NRG1: variants seen among roughly 807,000 people sequenced by gnomAD.
NRG1 encodes pro-neuregulin-1, membrane-bound isoform.
NRG1 carries 18 observed loss-of-function variants against 63.8 expected under a neutral mutation model. The observed-to-expected ratio is 0.28, with a 90% CI of 0.19 to 0.42. The LOEUF (loss-of-function observed/expected upper bound fraction) is 0.42. Among genes scored for constraint, NRG1 ranks in the 10% least tolerant of loss-of-function variants. NRG1 has a pLI of 1.00. For missense variants in NRG1, 762 were observed against 814.7 expected (o/e 0.94, Z 0.79); for synonymous variants, 302 against 301.3 (o/e 1.00, Z -0.02).
At chr8:32,210,018 T>C (rs1844529116) in intron 1 of NRG1, among the ~76,000 whole-genome samples, 1 of 152,166 alleles carries the variant, frequency 6.6e-6, no homozygotes, top group African/African-American at 2.4e-5. Flanking sequence ...CTTCTGTAAA[T>C]AAATTTCTTC....
chr8:31,754,592 G>A (rs939768833), intron 1 of NRG1, among the ~76,000 whole-genome samples: 2 of 151,908 alleles, frequency 1.3e-5, no homozygotes, highest in East Asian at 1.9e-4. Flanking sequence ...TTATAGCAAC[G>A]CAACAATGAA....
chr8:32,417,775 C>T (rs1816132777), intron 1 of NRG1, among the ~76,000 whole-genome samples: 1 of 152,048 alleles, frequency 6.6e-6, no homozygotes, highest in South Asian at 2.1e-4. Flanking sequence ...GATCATTTAG[C>T]TTAAGAGTTA....
chr8:32,118,942 AAG>A (rs1196595102), intron 1 of NRG1, among the ~76,000 whole-genome samples: 1 of 152,260 alleles, frequency 6.6e-6, no homozygotes, highest in African/African-American at 2.4e-5. Flanking sequence ...TCCCTGAGAA[AAG>A]AGAAAATAAA....
intron 1 of NRG1, among the ~76,000 whole-genome samples, chr8:31,898,889 A>G (rs1831829350): frequency 6.6e-6 from 1 of 151,902 alleles, no homozygotes; most frequent in Non-Finnish European, 1.5e-5. Context: ...TCAATTCCTA[A>G]ATTACTCCCA....
chr8:31,854,591 T>C (rs886443298), intron 1 of NRG1, among the ~76,000 whole-genome samples: 6 of 152,074 alleles, frequency 3.9e-5, no homozygotes, highest in Non-Finnish European at 5.9e-5. Context: ...TTTTGAAGGG[T>C]TTTTTGTGTC....
intron 1 of NRG1, among the ~76,000 whole-genome samples, chr8:32,372,194 G>T (rs1808978723): frequency 2.0e-5 from 3 of 151,846 alleles, no homozygotes; most frequent in South Asian, 4.2e-4. Context: ...TTGCTGTGTT[G>T]CACAGGCTGG....
chr8:32,684,251 T>G (rs1031095862), intron 5 of NRG1, among the ~76,000 whole-genome samples: 1 of 152,174 alleles, frequency 6.6e-6, no homozygotes, highest in Non-Finnish European at 1.5e-5. Flanking sequence ...TTTAAAAAAT[T>G]TTGTCAGGCT....
intron 1 of NRG1, among the ~76,000 whole-genome samples, chr8:32,291,768 C>T (rs554897343): frequency 3.9e-5 from 6 of 152,184 alleles, no homozygotes; most frequent in African/African-American, 1.4e-4. Flanking sequence ...TGGTCTTGAG[C>T]TCCTGACCTC....
chr8:31,798,942 G>T (rs1004628002), intron 1 of NRG1, among the ~76,000 whole-genome samples: 8 of 152,118 alleles, frequency 5.3e-5, no homozygotes, highest in Non-Finnish European at 7.4e-5. Context: ...AGTTTTTTGG[G>T]TGAATGAAAA....
chr8:31,983,973 C>T lies in NRG1; in HGVS notation c.37+344542C>T, dbSNP rs1167292979. ...GACAAGGTAAATCACCTTTTGATAT[C>T]GTTGCTGAGTTGTGTGAAAGGCTGT... On this transcript the variant is annotated intron_variant, in intron 1 of 10. Coordinates refer to the NRG1 transcript ENST00000519301. 2.0e-5 allele frequency among the ~76,000 whole-genome samples: 3 copies of T among 151,924 alleles called. No homozygotes were observed. The East Asian group carries it at 5.8e-4, about 29-fold the overall frequency.
intron 1 of NRG1, among the ~76,000 whole-genome samples, chr8:31,811,175 G>A (rs1822849000): frequency 2.0e-5 from 3 of 152,178 alleles, no homozygotes; most frequent in Admixed American, 2.0e-4. Flanking sequence ...TTCACACCAT[G>A]GTCCTTTCAT....
chr8:32,032,297 G>A (rs1818377625), intron 1 of NRG1, among the ~76,000 whole-genome samples: 1 of 151,460 alleles, frequency 6.6e-6, no homozygotes, highest in African/African-American at 2.4e-5. Flanking sequence ...GTCTCACAGT[G>A]TCGTTCAGGC....
intron 1 of NRG1, among the ~76,000 whole-genome samples, chr8:32,111,704 T>C (rs1310890257): frequency 1.3e-5 from 2 of 152,220 alleles, no homozygotes; most frequent in African/African-American, 4.8e-5. Flanking sequence ...AAACAGGGTT[T>C]GTCAAGTGAA....
At chr8:32,172,740 G>A (rs889777566) in intron 1 of NRG1, among the ~76,000 whole-genome samples, 3 of 152,218 alleles carry the variant, frequency 2.0e-5, no homozygotes, top group African/African-American at 7.2e-5. Context: ...AAGGGTATCA[G>A]TGATGGAAGA....
At chr8:32,753,383 A>G (rs1829088011) in intron 7 of NRG1, among the ~76,000 whole-genome samples, 1 of 152,150 alleles carries the variant, frequency 6.6e-6, no homozygotes, top group South Asian at 2.1e-4. Context: ...AAATAGAAAA[A>G]CTTCTATGAA....
intron 1 of NRG1, among the ~76,000 whole-genome samples, chr8:31,799,742 G>A (rs964644060): frequency 5.3e-5 from 8 of 151,592 alleles, no homozygotes; most frequent in African/African-American, 9.7e-5. Flanking sequence ...ATATATGTAC[G>A]CCTGTATATA....
intron 1 of NRG1, among the ~76,000 whole-genome samples, chr8:32,455,064 C>T (rs763669677): frequency 1.3e-5 from 2 of 152,086 alleles, no homozygotes; most frequent in Non-Finnish European, 2.9e-5. Context: ...GTAAGCTGTA[C>T]CATCTTGGTT....
chr8:32,315,157 G>A (rs188257088), intron 1 of NRG1, among the ~76,000 whole-genome samples: 3 of 152,294 alleles, frequency 2.0e-5, no homozygotes, highest in Admixed American at 6.5e-5. Context: ...GTGTGCCATG[G>A]TGTTTTGCTG....
chr8:32,596,474 G>A (rs1203807952), intron 2 of NRG1, among the ~76,000 whole-genome samples: 9 of 151,746 alleles, frequency 5.9e-5, no homozygotes, highest in African/African-American at 9.7e-5. Flanking sequence ...AGTGGTGGGC[G>A]CCTGTAATCC....
Sources: allele counts gnomAD v4.1 joint callset (sites outside exome capture counted in the v4.1 genomes callset), GRCh38; gene constraint gnomAD v4.1.1; transcripts MANE v1.5; gene names NCBI Gene and HGNC (gene_info 2026-07-23, HGNC 2026-07-21).